RNF111: variants seen among roughly 807,000 people sequenced by gnomAD.
RNF111 encodes the protein E3 ubiquitin-protein ligase Arkadia.
RNF111 carries 17 observed loss-of-function variants against 95.1 expected under a neutral mutation model. The ratio of observed to expected loss-of-function variants is 0.18; its 90% CI spans 0.12 to 0.27. RNF111 has a LOEUF of 0.27. Among genes scored for constraint, RNF111 ranks in the 10% least tolerant of loss-of-function variants. RNF111 has a pLI of 1.00. For missense variants in RNF111, 1,189 were observed against 1,210.4 expected (o/e 0.98, Z 0.26); for synonymous variants, 440 against 414.8 (o/e 1.06, Z -0.74).
chr15:59,018,092 A>T (rs1307517188), intron 1 of RNF111, among the ~76,000 whole-genome samples: 2 of 152,106 alleles, frequency 1.3e-5, no homozygotes, highest in Non-Finnish European at 2.9e-5. Flanking sequence ...ACTTTCCATT[A>T]ATGCAGCAAT....
At chr15:59,011,144 A>T (rs1157829984) in intron 1 of RNF111, among the ~76,000 whole-genome samples, 1 of 152,026 alleles carries the variant, frequency 6.6e-6, no homozygotes, top group Non-Finnish European at 1.5e-5. Flanking sequence ...ATTCAGGGAA[A>T]CTCTGCCATG....
intron 2 of RNF111, among the ~76,000 whole-genome samples, chr15:59,046,295 G>T (rs1244636767): frequency 1.3e-5 from 2 of 151,628 alleles, no homozygotes; most frequent in African/African-American, 4.9e-5. Flanking sequence ...CAGGGCTAAG[G>T]TGATCCTCCC....
At chr15:59,025,753 G>A (rs1275259163) in intron 1 of RNF111, among the ~76,000 whole-genome samples, 1 of 149,038 alleles carries the variant, frequency 6.7e-6, no homozygotes, top group Admixed American at 6.7e-5. Flanking sequence ...CTTTTGTGTC[G>A]GAATTTTGCT....
intron 1 of RNF111, among the ~76,000 whole-genome samples, chr15:58,994,731 G>C (rs970565686): frequency 4.6e-5 from 7 of 151,978 alleles, no homozygotes; most frequent in African/African-American, 1.5e-4. Flanking sequence ...GCCTACTTCA[G>C]CCTCCCAAAG....
rs2079181035 is a variant in RNF111, at chr15:59,096,680, G to A, written c.*1780G>A. The A allele has an allele frequency of 6.6e-6, 1 of 152,194 alleles. No homozygotes were observed. The highest frequency in any genetic ancestry group is 6.5e-5 in the Admixed American group (1 of 15,270). The allele number at this position is 152,194 out of a possible 1,614,324, so 9.4% of individuals were successfully genotyped here. ...AGAGCATACCTTATGATTAAACCGA[G>A]GTTATAGAAGGTCAGGGGAGAGTGA... On this transcript the variant is annotated 3_prime_UTR_variant, in exon 14 of 14. Coordinates refer to ENST00000348370, the MANE Select transcript of RNF111 (RefSeq NM_017610.8).
intron 1 of RNF111, among the ~76,000 whole-genome samples, chr15:58,998,434 T>G (rs2141418497): frequency 6.6e-6 from 1 of 152,268 alleles, no homozygotes; most frequent in Middle Eastern, 3.4e-3. Context: ...CAGTGAGTGT[T>G]CTTCCCCTCA....
intron 1 of RNF111, among the ~76,000 whole-genome samples, chr15:59,012,254 G>A (rs1003259435): frequency 6.6e-6 from 1 of 151,916 alleles, no homozygotes; most frequent in African/African-American, 2.4e-5. Flanking sequence ...TCTGACCTCA[G>A]GTGGTCCACT....
intron 2 of RNF111, among the ~76,000 whole-genome samples, chr15:59,032,658 C>T (rs1362416766): frequency 2.0e-5 from 3 of 152,106 alleles, no homozygotes; most frequent in African/African-American, 4.8e-5. Flanking sequence ...TTAGCTCAGG[C>T]GATCCACCTG....
At chr15:59,009,155 T>A (rs1168467388) in intron 1 of RNF111, among the ~76,000 whole-genome samples, 1 of 152,098 alleles carries the variant, frequency 6.6e-6, no homozygotes, top group African/African-American at 2.4e-5. Flanking sequence ...AGATGGGGTT[T>A]CACCAAGTTG....
intron 1 of RNF111, among the ~76,000 whole-genome samples, chr15:59,027,339 G>A (rs181754517): frequency 1.4e-3 from 213 of 152,164 alleles, no homozygotes; most frequent in African/African-American, 4.5e-3. Flanking sequence ...AGTCTCTGAT[G>A]CCTAGAAATC....
At chr15:59,052,842 C>T (rs769383574) in intron 3 of RNF111, among the ~76,000 whole-genome samples, 45 of 152,016 alleles carry the variant, frequency 3.0e-4, no homozygotes, top group Non-Finnish European at 5.3e-4. Flanking sequence ...TTAAAAGCAC[C>T]CCAAGTATAC....
intron 1 of RNF111, among the ~76,000 whole-genome samples, chr15:58,992,286 T>A (rs1199643888): frequency 6.6e-6 from 1 of 152,120 alleles, no homozygotes; most frequent in Non-Finnish European, 1.5e-5. Context: ...CTCAGGTGAT[T>A]CGCCCGTCTC....
chr15:59,067,030 G>C lies in RNF111; in HGVS notation c.1633G>C (p.Val545Leu). 6.2e-7 allele frequency: 1 copy of C among 1,614,122 alleles called. No homozygotes were observed. Among genetic ancestry groups the C allele is most frequent in the Non-Finnish European group, 8.5e-7 (1 of 1,180,028 alleles). The change falls in exon 6 of 14, where the codon GTA (valine) becomes CTA (leucine). Residue 545 changes from valine (V) to leucine (L), a missense_variant. This residue lies in a region of RNF111 where 1,024 missense variants were observed against 925.9 expected (regional missense o/e 1.11). Coordinates refer to ENST00000348370, the MANE Select transcript of RNF111 (RefSeq NM_017610.8). ...PACPVERPPQ[V>L]QAPCGANSSS... is the part of the protein sequence containing the mutation. ...TTGCCCTGTGGAAAGACCTCCACAA[G>C]TACAAGCACCTTGTGGAGCAAATAG...
chr15:59,035,218 TTA>T (rs2041116157), intron 2 of RNF111, among the ~76,000 whole-genome samples: 1 of 152,154 alleles, frequency 6.6e-6, no homozygotes. Flanking sequence ...CACGTGGGAA[TTA>T]TTATAAGTCA....
At chr15:59,085,916 T>TG (rs1257272914) in intron 10 of RNF111, 131 bp downstream of exon 10, 2 of 829,242 alleles carry the variant, frequency 2.4e-6, no homozygotes, top group African/African-American at 3.5e-5. Context: ...TAGCTAAAAT[T>TG]GTGCTATAAA....
chr15:59,030,022 C>G (rs2040827984), intron 1 of RNF111, among the ~76,000 whole-genome samples: 1 of 152,118 alleles, frequency 6.6e-6, no homozygotes, highest in Non-Finnish European at 1.5e-5. Context: ...TTCATATGTA[C>G]ATTGCATTGA....
intron 7 of RNF111, among the ~76,000 whole-genome samples, chr15:59,078,838 G>A (rs190239986): frequency 1.4e-3 from 209 of 149,522 alleles, no homozygotes; most frequent in African/African-American, 4.5e-3. Flanking sequence ...CAGCCTGGGC[G>A]ATAGAGCGAG....
chr15:59,041,780 A>G (rs2041462804), intron 2 of RNF111, among the ~76,000 whole-genome samples: 4 of 152,116 alleles, frequency 2.6e-5, no homozygotes, highest in Admixed American at 2.6e-4. Context: ...AAATCCTTCC[A>G]ACAGAATATG....
chr15:59,086,530 C>T (rs191109679), intron 10 of RNF111, among the ~76,000 whole-genome samples: 3 of 152,292 alleles, frequency 2.0e-5, no homozygotes, highest in East Asian at 3.9e-4. Flanking sequence ...ATTGCGTTTG[C>T]TGTTTGTATT....
Sources: allele counts gnomAD v4.1 joint callset (sites outside exome capture counted in the v4.1 genomes callset), GRCh38; gene constraint gnomAD v4.1.1; regional missense constraint gnomAD v4.1.1; transcripts MANE v1.5; gene names NCBI Gene and HGNC (gene_info 2026-07-23, HGNC 2026-07-21).